The following SPATA9 variants were observed in gnomAD, a reference collection of about 807,000 sequenced individuals.
The protein encoded by SPATA9 is spermatogenesis associated 9.
A neutral mutation model predicts 25.5 loss-of-function variants in SPATA9; 27 were observed. The observed-to-expected ratio is 1.06, with a 90% CI of 0.78 to 1.46. The LOEUF (loss-of-function observed/expected upper bound fraction) is 1.46. Among genes scored for constraint, SPATA9 ranks in the 40% most tolerant of loss-of-function variants. SPATA9 has a pLI of 0.00. For missense variants in SPATA9, 282 were observed against 297.5 expected (o/e 0.95, Z 0.38); for synonymous variants, 102 against 105.7 (o/e 0.97, Z 0.21).
chr5:95,653,015 T>A, exon 9 of SPATA9: 1 of 1,487,790 alleles, frequency 6.7e-7, no homozygotes, highest in Non-Finnish European at 9.0e-7. Context: ...ACAACCTGGC[T>A]CCTGCCTGTT....
chr5:95,731,827 C>G, the SPATA9 span: 11 of 1,604,174 alleles, frequency 6.9e-6, no homozygotes, highest in African/African-American at 9.4e-5. Flanking sequence ...GACCGTGCTT[C>G]CCTTCTCCCC....
intron 2 of SPATA9, among the ~76,000 whole-genome samples, chr5:95,677,992 T>G (rs1203543430): frequency 6.6e-6 from 1 of 152,248 alleles, no homozygotes; most frequent in Non-Finnish European, 1.5e-5. Context: ...ACTAAGGAAG[T>G]AGATACTAAG....
At chr5:95,702,730 A>G (rs1389028101), upstream of SPATA9, among the ~76,000 whole-genome samples, 1 of 152,110 alleles carries the variant, frequency 6.6e-6, no homozygotes, top group Non-Finnish European at 1.5e-5. Flanking sequence ...AAGTTTTATA[A>G]ATCAACTGGG....
the SPATA9 span, among the ~76,000 whole-genome samples, chr5:95,711,751 T>C: frequency 6.6e-6 from 1 of 152,172 alleles, no homozygotes; most frequent in South Asian, 2.1e-4. Flanking sequence ...GCGGCCTGGC[T>C]CAGGAGGACT....
intron 3 of SPATA9, among the ~76,000 whole-genome samples, chr5:95,669,491 A>T (rs1027095216): frequency 1.3e-5 from 2 of 152,224 alleles, no homozygotes; most frequent in Middle Eastern, 3.2e-3. Flanking sequence ...ACTGGGATCC[A>T]CCTTACAGCC....
chr5:95,704,791 A>C, the SPATA9 span, among the ~76,000 whole-genome samples: 1 of 152,164 alleles, frequency 6.6e-6, no homozygotes, highest in South Asian at 2.1e-4. Flanking sequence ...TTTGAGGATC[A>C]GTCTCCTTTT....
At chr5:95,730,930 G>C in the SPATA9 span, 1 of 461,336 alleles carries the variant, frequency 2.2e-6, no homozygotes, top group Non-Finnish European at 4.3e-6. Flanking sequence ...AAGAGGGGGG[G>C]AAATCGGGTT....
At chr5:95,656,538 G>A, downstream of SPATA9, 1 of 412,718 alleles carries the variant, frequency 2.4e-6, no homozygotes, top group East Asian at 4.1e-5. Context: ...GAAACCTGAA[G>A]GTTATAGGTT....
At chr5:95,692,090 T>G (rs1753908918) in intron 1 of SPATA9, among the ~76,000 whole-genome samples, 1 of 152,168 alleles carries the variant, frequency 6.6e-6, no homozygotes, top group South Asian at 2.1e-4. Context: ...CATTTATAAT[T>G]TTTGCCACTA....
downstream of SPATA9, chr5:95,656,002 C>CA (rs763072234): frequency 1.3e-6 from 2 of 1,582,980 alleles, no homozygotes; most frequent in Admixed American, 3.5e-5. Context: ...CTATCAAGAA[C>CA]ATTTGACATG....
intron 1 of SPATA9, among the ~76,000 whole-genome samples, chr5:95,695,468 C>T (rs1485503454): frequency 3.3e-5 from 5 of 152,180 alleles, no homozygotes; most frequent in South Asian, 2.1e-4. Flanking sequence ...CGTGGTGGCA[C>T]GCACCTGCAC....
intron 3 of SPATA9, among the ~76,000 whole-genome samples, chr5:95,672,738 C>A (rs1039506813): frequency 1.3e-5 from 2 of 152,130 alleles, no homozygotes; most frequent in Admixed American, 1.3e-4. Flanking sequence ...TCTAAATTTA[C>A]CTCAGAAACT....
chr5:95,702,890 A>G (rs1295033454), upstream of SPATA9, among the ~76,000 whole-genome samples: 1 of 152,208 alleles, frequency 6.6e-6, no homozygotes, highest in African/African-American at 2.4e-5. Flanking sequence ...CAAAAAAACA[A>G]AAATAAAAAA....
intron 1 of SPATA9, among the ~76,000 whole-genome samples, chr5:95,693,798 G>C (rs144255894): frequency 6.6e-6 from 1 of 152,086 alleles, no homozygotes; most frequent in South Asian, 2.1e-4. Flanking sequence ...AGTCATCACT[G>C]TCTAGCTGAG....
the SPATA9 span, chr5:95,708,660 G>C: frequency 5.7e-6 from 4 of 696,566 alleles, no homozygotes; most frequent in Non-Finnish European, 7.9e-6. Flanking sequence ...ATCCAGTTTG[G>C]CTCCCAGAGT....
At chr5:95,691,334 T>C (rs918792547) in intron 1 of SPATA9, among the ~76,000 whole-genome samples, 2 of 152,216 alleles carry the variant, frequency 1.3e-5, no homozygotes, top group Admixed American at 6.5e-5. Context: ...ACAGATTAAA[T>C]AAACTGTTGT....
chr5:95,675,544 T>C lies in SPATA9; in HGVS notation c.246A>G (p.Ile82Met), dbSNP rs569343324. The change falls in exon 3 of 5, where the codon ATA (isoleucine) becomes ATG (methionine). Residue 82 changes from isoleucine to methionine, a missense_variant. Ile to Met is a conservative substitution (Grantham distance 10). Coordinates refer to ENST00000274432, the MANE Select transcript of SPATA9 (RefSeq NM_031952.4). ...RATLIRGLNS[I>M]SRSSKSVAKL... ...TGGCCACTGATTTGGAGGATCTGGA[T>C]ATGCTGTTTAATCCACGAATTAATG... is the stretch of plus-strand genomic sequence containing the variant. 5 of 1,614,192 alleles carry C rather than the reference T, an allele frequency of 3.1e-6. No homozygotes were observed. The African/African-American group carries it at 6.7e-5, about 22-fold the overall frequency.
intron 1 of SPATA9, among the ~76,000 whole-genome samples, chr5:95,695,501 G>T (rs1302789668): frequency 1.3e-5 from 2 of 152,152 alleles, no homozygotes. Flanking sequence ...GGGAGGTTGA[G>T]GCAGGAGAAT....
upstream of SPATA9, among the ~76,000 whole-genome samples, chr5:95,683,563 A>T (rs1054017714): frequency 2.0e-5 from 3 of 152,008 alleles, no homozygotes; most frequent in Non-Finnish European, 4.4e-5. Context: ...TTTGAGATGG[A>T]GTCTTGCCCT....
Sources: allele counts gnomAD v4.1 joint callset (sites outside exome capture counted in the v4.1 genomes callset), GRCh38; gene constraint gnomAD v4.1.1; transcripts MANE v1.5; gene names NCBI Gene and HGNC (gene_info 2026-07-23, HGNC 2026-07-21).